CTNNA3: variants seen among roughly 807,000 people sequenced by gnomAD.
CTNNA3 encodes catenin alpha 3, also known as catenin alpha-3.
Under a neutral mutation model 95.7 loss-of-function variants are expected in CTNNA3, and 76 were observed. That is an observed-to-expected ratio of 0.79 (90% CI 0.66 to 0.96). CTNNA3 has a LOEUF of 0.96. Among genes scored for constraint, CTNNA3 ranks in the 40% least tolerant of loss-of-function variants. The pLI is 0.00. For synonymous variants in CTNNA3, 431 were observed against 374.4 expected, an observed-to-expected ratio of 1.15 and a Z score of -1.74; for missense variants, 1,191 against 1,089.8, an observed-to-expected ratio of 1.09 and a Z score of -1.31.
At chr10:66,303,334 T>C (rs1032014367) in intron 12 of CTNNA3, among the ~76,000 whole-genome samples, 1 of 151,996 alleles carries the variant, frequency 6.6e-6, no homozygotes, top group Non-Finnish European at 1.5e-5. Flanking sequence ...GTTATGAAAA[T>C]TTTCTTTACC....
chr10:67,539,645 T>C lies in CTNNA3; in HGVS notation c.317A>G (p.Glu106Gly). Residue 106 changes from glutamate to glycine, a missense_variant, in exon 4 of 18, where the codon GAG (glutamate) becomes GGG (glycine). Physicochemically the swap from Glu to Gly is moderately conservative, Grantham distance 98 (BLOSUM62 -2). Transcript: ENST00000433211. ...AAAACAGGGGTCATCTGTAAATCTC[T>C]CAGCTGATACTTTCAGAGCTTCACC... ...KESEALKVSA[E>G]RFTDDPCFLP... 6.2e-7 allele frequency: 1 copy of C among 1,613,670 alleles called. No individual in the cohort carries two copies. The highest frequency in any genetic ancestry group is 8.5e-7 in the Non-Finnish European group (1 of 1,179,674).
At chr10:66,153,290 C>T (rs1216674583) in intron 13 of CTNNA3, among the ~76,000 whole-genome samples, 2 of 151,808 alleles carry the variant, frequency 1.3e-5, no homozygotes, top group Non-Finnish European at 1.5e-5. Flanking sequence ...ACATCTGGGT[C>T]GTCTCAGGGT....
intron 5 of CTNNA3, among the ~76,000 whole-genome samples, chr10:67,438,533 A>G (rs1564649712): frequency 6.6e-6 from 1 of 152,214 alleles, no homozygotes; most frequent in East Asian, 1.9e-4. Flanking sequence ...CCGGAATACC[A>G]AATTTTAACA....
intron 7 of CTNNA3, among the ~76,000 whole-genome samples, chr10:66,996,019 T>C (rs977803209): frequency 6.6e-6 from 1 of 152,230 alleles, no homozygotes; most frequent in South Asian, 2.1e-4. Flanking sequence ...CACTTGTAAA[T>C]TATTTTAGTA....
intron 5 of CTNNA3, among the ~76,000 whole-genome samples, chr10:67,282,903 C>G (rs900920116): frequency 3.9e-5 from 6 of 152,168 alleles, no homozygotes; most frequent in Non-Finnish European, 1.5e-5. Flanking sequence ...TCTCTCTTCC[C>G]CAAGGTGGGT....
intron 12 of CTNNA3, among the ~76,000 whole-genome samples, chr10:66,332,272 C>T (rs1279854516): frequency 6.6e-6 from 1 of 151,888 alleles, no homozygotes; most frequent in African/African-American, 2.4e-5. Flanking sequence ...GCCAGAGCTC[C>T]CAACACTATG....
rs185941443 is a variant in CTNNA3, at chr10:66,974,465, C to T, written c.1048-198941G>A. Among the ~76,000 whole-genome samples the T allele has an allele frequency of 3.3e-5, 5 of 152,306 alleles. No homozygotes were observed. In the East Asian group the frequency reaches 9.6e-4, roughly 29 times the overall value. ...CTATTGTGAATTAAGCTGCTGTAAACATTTATATACAAGTCATTCGCCAGC... is the reference window on the plus strand; with the variant it reads ...CTATTGTGAATTAAGCTGCTGTAAATATTTATATACAAGTCATTCGCCAGC... On this transcript the variant is annotated intron_variant, in intron 7 of 17. Coordinates refer to ENST00000433211, the MANE Select transcript of CTNNA3 (RefSeq NM_013266.4).
chr10:66,525,780 T>C (rs1841235986), intron 10 of CTNNA3, among the ~76,000 whole-genome samples: 1 of 152,168 alleles, frequency 6.6e-6, no homozygotes, highest in South Asian at 2.1e-4. Flanking sequence ...AAACTGAAAT[T>C]CTGTACTCAT....
At position 66,948,482 on chromosome 10, in the gene CTNNA3, T is replaced by C. The variant is rs143260751; in HGVS notation, c.1048-172958A>G. Among the ~76,000 whole-genome samples, 831 of 152,336 alleles carry C rather than the reference T, an allele frequency of 5.5e-3. 1 individual carries two copies. The highest frequency in any genetic ancestry group is 9.4e-3 in the Non-Finnish European group (638 of 68,032). ...TTACTACATGTGTTATGTGACACTTTGTGACAACTGACCGATTCTTATTTT... is the reference window on the plus strand; with the variant it reads ...TTACTACATGTGTTATGTGACACTTCGTGACAACTGACCGATTCTTATTTT... On this transcript the variant is annotated intron_variant, in intron 7 of 17. Coordinates refer to ENST00000433211, the MANE Select transcript of CTNNA3 (RefSeq NM_013266.4).
intron 9 of CTNNA3, among the ~76,000 whole-genome samples, chr10:66,632,891 T>C (rs1266771099): frequency 6.6e-6 from 1 of 152,014 alleles, no homozygotes; most frequent in Non-Finnish European, 1.5e-5. Context: ...GGACAAAATA[T>C]TTAAATAGAG....
intron 15 of CTNNA3, among the ~76,000 whole-genome samples, chr10:65,991,136 C>T (rs2078537127): frequency 6.6e-6 from 1 of 151,946 alleles, no homozygotes; most frequent in East Asian, 1.9e-4. Context: ...TCATACAATG[C>T]TTTTTTGGTT....
intron 7 of CTNNA3, among the ~76,000 whole-genome samples, chr10:67,089,533 C>A (rs1857503401): frequency 6.6e-6 from 1 of 151,954 alleles, no homozygotes; most frequent in Admixed American, 6.6e-5. Flanking sequence ...TATATTATCT[C>A]TGTGGGGGAG....
chr10:66,651,804 G>GATCGCGGCACACAGCAGCGCCC (rs1471509971), intron 9 of CTNNA3, among the ~76,000 whole-genome samples: 3 of 21,874 alleles, frequency 1.4e-4, no homozygotes, highest in African/African-American at 1.1e-3. Flanking sequence ...CGCATTGGCC[G>GATCGCGGCACACAGCAGCGCCC]GTTCCCACCC....
At chr10:66,532,630 C>CATTTATCTA (rs1192266766) in intron 10 of CTNNA3, among the ~76,000 whole-genome samples, 2 of 152,038 alleles carry the variant, frequency 1.3e-5, no homozygotes, top group Non-Finnish European at 2.9e-5. Flanking sequence ...TCTGTGTCTA[C>CATTTATCTA]CATTTATCTA....
chr10:67,276,094 C>G (rs1839173316), intron 5 of CTNNA3, among the ~76,000 whole-genome samples: 1 of 152,114 alleles, frequency 6.6e-6, no homozygotes, highest in South Asian at 2.1e-4. Flanking sequence ...CACCAAAATA[C>G]AGACTTACCA....
chr10:66,648,532 G>C (rs1392560256), intron 9 of CTNNA3, among the ~76,000 whole-genome samples: 1 of 152,078 alleles, frequency 6.6e-6, no homozygotes, highest in Admixed American at 6.5e-5. Context: ...CTAAAGACCG[G>C]GGACAAGTGA....
chr10:67,620,661 T>C (rs1843801939), intron 2 of CTNNA3, among the ~76,000 whole-genome samples: 1 of 152,052 alleles, frequency 6.6e-6, no homozygotes, highest in Non-Finnish European at 1.5e-5. Flanking sequence ...GAAAGCTACA[T>C]TAAATGTTTA....
chr10:67,049,926 G>A (rs1854979704), intron 7 of CTNNA3, among the ~76,000 whole-genome samples: 2 of 152,236 alleles, frequency 1.3e-5, no homozygotes, highest in South Asian at 2.1e-4. Context: ...TTCACATTTA[G>A]AAATCCCTAA....
intron 10 of CTNNA3, among the ~76,000 whole-genome samples, chr10:66,525,260 G>C (rs1841213425): frequency 6.6e-6 from 1 of 151,884 alleles, no homozygotes; most frequent in African/African-American, 2.4e-5. Flanking sequence ...TCCTATTTTG[G>C]ATTACAAGGC....
Sources: allele counts gnomAD v4.1 joint callset (sites outside exome capture counted in the v4.1 genomes callset), GRCh38; gene constraint gnomAD v4.1.1; transcripts MANE v1.5; gene names NCBI Gene and HGNC (gene_info 2026-07-23, HGNC 2026-07-21).